Variants in GAS2 observed in about 807,000 individuals in gnomAD.
The protein encoded by GAS2 is growth arrest specific 2, also known as growth arrest-specific protein 2.
A neutral mutation model predicts 37.5 loss-of-function variants in GAS2; 20 were observed. That is an observed-to-expected ratio of 0.53 (90% CI 0.37 to 0.77). The LOEUF is 0.77. GAS2 is among the 30% of genes least tolerant of loss of function. GAS2 has a pLI of 0.00. For synonymous variants in GAS2, 144 were observed against 132.2 expected (o/e 1.09, Z -0.61); for missense variants, 336 against 373.4 (o/e 0.90, Z 0.82).
chr11:22,644,924 G>A (rs971858370), intron 1 of GAS2, among the ~76,000 whole-genome samples: 11 of 151,964 alleles, frequency 7.2e-5, no homozygotes, highest in Non-Finnish European at 8.8e-5. Flanking sequence ...ACTACCGGCC[G>A]CCTATTTCTT....
chr11:22,779,045 GT>G (rs367996634), intron 7 of GAS2, among the ~76,000 whole-genome samples: 140 of 136,372 alleles, frequency 1.0e-3, no homozygotes, highest in East Asian at 5.7e-3. Context: ...TAAGTTTTTT[GT>G]TTTTTTTTTT....
intron 3 of GAS2, among the ~76,000 whole-genome samples, chr11:22,718,195 A>G (rs1401372309): frequency 6.6e-6 from 1 of 152,166 alleles, no homozygotes; most frequent in Non-Finnish European, 1.5e-5. Flanking sequence ...ACAATTTGCA[A>G]TTGCGAAAAT....
At chr11:22,684,768 A>G (rs1590629726) in intron 2 of GAS2, among the ~76,000 whole-genome samples, 2 of 152,104 alleles carry the variant, frequency 1.3e-5, no homozygotes, top group African/African-American at 4.8e-5. Context: ...GGGTTTCACC[A>G]TGTTGCCCCA....
intron 1 of GAS2, among the ~76,000 whole-genome samples, chr11:22,649,967 A>G (rs570330979): frequency 5.2e-4 from 79 of 151,824 alleles, no homozygotes; most frequent in African/African-American, 1.9e-3. Flanking sequence ...TGGCTTTTGA[A>G]TGTGTTTGCT....
At chr11:22,721,921 A>G (rs1851969673) in intron 3 of GAS2, among the ~76,000 whole-genome samples, 1 of 152,012 alleles carries the variant, frequency 6.6e-6, no homozygotes, top group South Asian at 2.1e-4. Flanking sequence ...ACTTGCATTT[A>G]TGACCTTTTT....
At chr11:22,691,289 A>C (rs961906728) in intron 3 of GAS2, among the ~76,000 whole-genome samples, 3 of 152,206 alleles carry the variant, frequency 2.0e-5, no homozygotes, top group Admixed American at 6.5e-5. Context: ...TGGTTCCTTG[A>C]GCTGCAAGAT....
chr11:22,783,664 T>G (rs1855678465), intron 7 of GAS2, among the ~76,000 whole-genome samples: 1 of 152,134 alleles, frequency 6.6e-6, no homozygotes, highest in African/African-American at 2.4e-5. Context: ...TTTTTTTGAG[T>G]TAGCACCCCT....
At chr11:22,784,550 G>T (rs147017380) in intron 7 of GAS2, among the ~76,000 whole-genome samples, 6 of 152,078 alleles carry the variant, frequency 3.9e-5, no homozygotes, top group Non-Finnish European at 5.9e-5. Flanking sequence ...GTGATTATAC[G>T]TTAAGAGCCT....
At chr11:22,802,000 A>T (rs971061917) in intron 7 of GAS2, among the ~76,000 whole-genome samples, 6 of 152,052 alleles carry the variant, frequency 3.9e-5, no homozygotes, top group Non-Finnish European at 8.8e-5. Context: ...CTCATTACTG[A>T]GAGAAAATAT....
intron 7 of GAS2, among the ~76,000 whole-genome samples, chr11:22,758,038 A>T (rs1404535953): frequency 6.6e-6 from 1 of 152,200 alleles, no homozygotes; most frequent in African/African-American, 2.4e-5. Context: ...TGATTATGCT[A>T]GTACTTTCAG....
In GAS2 at chr11:22,666,789, G is replaced by T. The variant is rs910418904; in HGVS notation, c.-131G>T. 6.6e-6 allele frequency: 1 copy of T among 152,646 alleles called. No homozygotes were observed. Among genetic ancestry groups the T allele is most frequent in the Non-Finnish European group, 1.5e-5 (1 of 68,376 alleles). The allele number at this position is 152,646 out of a possible 1,614,324, so 9.5% of individuals were successfully genotyped here. A position where few individuals can be genotyped will look rare whatever the true frequency, so the allele number is the denominator to read the frequency against. On this transcript the variant is annotated 5_prime_UTR_variant, in exon 1 of 8. Transcript: ENST00000454584. ...CCAGGCTGGTGGGGTGCGGGGAGCG[G>T]CTGCTGCAGGACCTGTGCCTGGAGG...
intron 7 of GAS2, among the ~76,000 whole-genome samples, chr11:22,774,796 G>T (rs111759949): frequency 6.6e-6 from 1 of 151,956 alleles, no homozygotes; most frequent in African/African-American, 2.4e-5. Flanking sequence ...TGTTAATCTG[G>T]ATTTCAAGAG....
chr11:22,655,114 A>G (rs1848840508), intron 1 of GAS2, among the ~76,000 whole-genome samples: 1 of 152,106 alleles, frequency 6.6e-6, no homozygotes, highest in Non-Finnish European at 1.5e-5. Context: ...TAAGCTCTTC[A>G]GACTGTCTGT....
rs768890751 is a variant in GAS2 at position 22,749,206 on chromosome 11, C to G, written c.560C>G (p.Ser187Cys). 63 of 1,612,512 alleles carry G rather than the reference C, an allele frequency of 3.9e-5. No individual in the cohort carries two copies. The highest frequency in any genetic ancestry group is 1.6e-4 in the Middle Eastern group (1 of 6,078). ...ETLSAPSPSP[S>C]PSSKSSGKKS... ...CTTTCTGCCCCTTCTCCTTCACCTT[C>G]TCCTTCATCAAAGTCTTCTGGAAAA... Residue 187 changes from serine to cysteine, a missense_variant, in exon 6 of 8, where the codon TCT becomes TGT. Physicochemically the swap from Ser to Cys is moderately radical, Grantham distance 112. Transcript: ENST00000454584.
intron 2 of GAS2, among the ~76,000 whole-genome samples, chr11:22,679,728 G>T (rs966418258): frequency 2.0e-5 from 3 of 151,952 alleles, no homozygotes; most frequent in Admixed American, 2.0e-4. Flanking sequence ...TTTAAAGAAA[G>T]GATTATAGTT....
At chr11:22,718,886 T>C (rs1183258923) in intron 3 of GAS2, among the ~76,000 whole-genome samples, 3 of 152,174 alleles carry the variant, frequency 2.0e-5, no homozygotes, top group South Asian at 2.1e-4. Flanking sequence ...CCCATGTGGA[T>C]GTATATATAA....
At chr11:22,769,080 T>G (rs1382545025) in intron 7 of GAS2, among the ~76,000 whole-genome samples, 1 of 152,186 alleles carries the variant, frequency 6.6e-6, no homozygotes, top group East Asian at 1.9e-4. Flanking sequence ...GTATGGAAAC[T>G]CATATGGCAG....
At position 22,749,234 on chromosome 11, in the gene GAS2, G is replaced by A; in HGVS notation, c.588G>A (p.Lys196=). 1 of 1,612,086 alleles carries A rather than the reference G, an allele frequency of 6.2e-7. No individual in the cohort carries two copies. The highest frequency in any genetic ancestry group is 8.5e-7 in the Non-Finnish European group (1 of 1,178,952). Reference sequence around the variant, plus strand: ...CTTCATCAAAGTCTTCTGGAAAAAAGAGTACAGGAAACTTACTGGATGATG... The same window carrying A: ...CTTCATCAAAGTCTTCTGGAAAAAAAAGTACAGGAAACTTACTGGATGATG... ...PSPSSKSSGK[K]STGNLLDDAV... Residue 196 remains lysine (K), a synonymous_variant, in exon 6 of 8, where the codon AAG becomes AAA. Coordinates refer to ENST00000454584, the MANE Select transcript of GAS2 (RefSeq NM_001143830.3).
intron 3 of GAS2, among the ~76,000 whole-genome samples, chr11:22,711,423 G>C (rs1245042263): frequency 6.6e-6 from 1 of 152,176 alleles, no homozygotes; most frequent in Non-Finnish European, 1.5e-5. Flanking sequence ...CACAGGGTGA[G>C]GTAAGCTCCT....
Sources: allele counts gnomAD v4.1 joint callset (sites outside exome capture counted in the v4.1 genomes callset), GRCh38; gene constraint gnomAD v4.1.1; transcripts MANE v1.5; gene names NCBI Gene and HGNC (gene_info 2026-07-23, HGNC 2026-07-21).